Variants in CUL3 observed in about 807,000 individuals in gnomAD.
CUL3 encodes the protein cullin 3.
In CUL3, 19 loss-of-function variants were observed where a neutral mutation model predicts 89.1. That is an observed-to-expected ratio of 0.21 (90% CI 0.15 to 0.31). The LOEUF (loss-of-function observed/expected upper bound fraction) is 0.31, where lower values mean the gene tolerates loss of function less well. Ranked by LOEUF, CUL3 falls within the 10% of genes least tolerant of loss-of-function variation. The probability of loss-of-function intolerance (pLI) is 1.00; values close to 1 mark genes in which losing one functional copy is unlikely to be tolerated. For missense variants in CUL3, 469 were observed against 942.3 expected, an observed-to-expected ratio of 0.50 and a Z score of 6.58; for synonymous variants, 351 against 308.4, an observed-to-expected ratio of 1.14 and a Z score of -1.45.
intron 1 of CUL3, among the ~76,000 whole-genome samples, chr2:224,576,020 C>G (rs956182304): frequency 1.3e-5 from 2 of 152,156 alleles, no homozygotes; most frequent in Non-Finnish European, 2.9e-5. Context: ...AACATAGTAT[C>G]TGTGAGGAAG....
chr2:224,557,608 G>A (rs773146710), intron 2 of CUL3, 51 bp downstream of exon 2: 26 of 1,313,912 alleles, frequency 2.0e-5, no homozygotes, highest in Admixed American at 3.7e-5. Flanking sequence ...TGGTATAAAG[G>A]ATTTTCTACA....
intron 4 of CUL3, among the ~76,000 whole-genome samples, chr2:224,513,992 A>C (rs1692940369): frequency 6.6e-6 from 1 of 152,226 alleles, no homozygotes; most frequent in African/African-American, 2.4e-5. Flanking sequence ...CTCCTGGGCA[A>C]TATAACTTTT....
chr2:224,540,904 C>T (rs1559196615), intron 2 of CUL3, among the ~76,000 whole-genome samples: 2 of 151,948 alleles, frequency 1.3e-5, no homozygotes, highest in African/African-American at 2.4e-5. Context: ...TGAGAAGAGC[C>T]CTGCTTTTTT....
chr2:224,473,985 G>C lies in CUL3; in HGVS notation c.*260C>G, dbSNP rs1801827. 6.6e-6 allele frequency: 2 copies of C among 303,658 alleles called. No homozygotes were observed. Among genetic ancestry groups the C allele is most frequent in the Non-Finnish European group, 6.1e-6 (1 of 164,178 alleles). 18.8% of individuals were successfully genotyped at this position (303,658 alleles called of 1,614,324 possible). A position where few individuals can be genotyped will look rare whatever the true frequency, so the allele number is the denominator to read the frequency against. ...TATTTTCCTGTTTTCATACAGTAAA[G>C]AAAACAAAACGCAGCACATTCACAT... On this transcript the variant is annotated 3_prime_UTR_variant, in exon 16 of 16. Coordinates refer to ENST00000264414, the MANE Select transcript of CUL3 (RefSeq NM_003590.5).
At chr2:224,532,497 GTC>G (rs1362810030) in intron 3 of CUL3, among the ~76,000 whole-genome samples, 5 of 151,602 alleles carry the variant, frequency 3.3e-5, no homozygotes, top group Non-Finnish European at 7.4e-5. Context: ...GGGATTAGCA[GTC>G]TCTCTATTCT....
At chr2:224,577,297 G>T (rs558330822) in intron 1 of CUL3, among the ~76,000 whole-genome samples, 1 of 152,270 alleles carries the variant, frequency 6.6e-6, no homozygotes, top group African/African-American at 2.4e-5. Flanking sequence ...GGCCGGGCGC[G>T]GTGGCTCACG....
intron 2 of CUL3, among the ~76,000 whole-genome samples, chr2:224,542,419 G>A (rs1486592277): frequency 6.6e-6 from 1 of 152,090 alleles, no homozygotes; most frequent in Non-Finnish European, 1.5e-5. Flanking sequence ...TCAAGCTCCT[G>A]GGCACAAGTG....
intron 2 of CUL3, among the ~76,000 whole-genome samples, chr2:224,546,304 G>A (rs912435203): frequency 1.3e-5 from 2 of 152,060 alleles, no homozygotes; most frequent in African/African-American, 4.8e-5. Context: ...AACCACCATG[G>A]TTTCTCAAGA....
At chr2:224,562,090 A>C (rs951480638) in intron 1 of CUL3, among the ~76,000 whole-genome samples, 1 of 152,178 alleles carries the variant, frequency 6.6e-6, no homozygotes, top group African/African-American at 2.4e-5. Context: ...TAAATTACTA[A>C]ATTTTTCTAC....
rs184325409 is a variant in CUL3, at chr2:224,473,173, G to A, written c.*1072C>T. 5.0e-6 allele frequency: 1 copy of A among 198,638 alleles called. No individual in the cohort carries two copies. The highest frequency in any genetic ancestry group is 7.8e-5 in the East Asian group (1 of 12,764). 12.3% of individuals were successfully genotyped at this position (198,638 alleles called of 1,614,324 possible). On this transcript the variant is annotated 3_prime_UTR_variant, in exon 16 of 16. Coordinates refer to ENST00000264414, the MANE Select transcript of CUL3 (RefSeq NM_003590.5). ...ATCACTTTCCAAAACACAGCTGCAAGAATTGAAGATTTCATTAAAACTATC... is the reference window on the plus strand; with the variant it reads ...ATCACTTTCCAAAACACAGCTGCAAAAATTGAAGATTTCATTAAAACTATC...
chr2:224,581,079 T>C (rs957018981), intron 1 of CUL3, among the ~76,000 whole-genome samples: 2 of 152,166 alleles, frequency 1.3e-5, no homozygotes, highest in Admixed American at 1.3e-4. Flanking sequence ...AGATCTTACT[T>C]GTTCTCATCA....
At chr2:224,529,762 T>A (rs745454219) in intron 3 of CUL3, among the ~76,000 whole-genome samples, 6 of 152,102 alleles carry the variant, frequency 3.9e-5, no homozygotes, top group East Asian at 1.9e-4. Context: ...ACATGTTCCA[T>A]CAAGAGAGAT....
intron 1 of CUL3, among the ~76,000 whole-genome samples, chr2:224,584,489 C>A (rs1455355983): frequency 6.6e-6 from 1 of 152,142 alleles, no homozygotes; most frequent in African/African-American, 2.4e-5. Flanking sequence ...AGAGAGAGGG[C>A]AGCCCCTTCA....
intron 3 of CUL3, among the ~76,000 whole-genome samples, chr2:224,522,720 T>G: frequency 6.6e-6 from 1 of 151,944 alleles, no homozygotes; most frequent in East Asian, 1.9e-4. Flanking sequence ...CCCAGCTACT[T>G]GGGAGGCTGA....
chr2:224,497,984 T>G (rs1364311822), intron 11 of CUL3, 135 bp from the exon 12 acceptor site: 2 of 665,628 alleles, frequency 3.0e-6, no homozygotes, highest in East Asian at 5.5e-5. Flanking sequence ...AAAGGAAACT[T>G]TAGGAATCAA....
chr2:224,569,194 G>A (rs1026925578), intron 1 of CUL3, among the ~76,000 whole-genome samples: 1 of 152,116 alleles, frequency 6.6e-6, no homozygotes, highest in Non-Finnish European at 1.5e-5. Flanking sequence ...TGCAATAACT[G>A]CAAATACACT....
intron 2 of CUL3, among the ~76,000 whole-genome samples, chr2:224,536,400 A>T (rs560494791): frequency 6.7e-6 from 1 of 149,390 alleles, no homozygotes; most frequent in Non-Finnish European, 1.5e-5. Context: ...GCCTAGCTCT[A>T]CTTCTTCACC....
chr2:224,480,339 T>C (rs1691488609), intron 14 of CUL3, among the ~76,000 whole-genome samples: 1 of 152,122 alleles, frequency 6.6e-6, no homozygotes, highest in African/African-American at 2.4e-5. Flanking sequence ...GTCACAATAT[T>C]TACCACCAAA....
chr2:224,503,521 A>C, intron 9 of CUL3, 131 bp downstream of exon 9: 3 of 824,290 alleles, frequency 3.6e-6, no homozygotes, highest in Non-Finnish European at 5.3e-6. Flanking sequence ...TTCTTCTCCA[A>C]AACAATCTAC....
Sources: gnomAD v4.1 joint callset for allele counts (sites outside exome capture counted in the v4.1 genomes callset) on GRCh38, gnomAD v4.1.1 for gene constraint, MANE v1.5 for transcripts, NCBI Gene and HGNC (gene_info 2026-07-23, HGNC 2026-07-21) for gene names.